The following CSMD1 variants were observed in gnomAD, a reference collection of about 807,000 sequenced individuals.
CSMD1 encodes the protein CUB and sushi domain-containing protein 1.
Under a neutral mutation model 417.5 loss-of-function variants are expected in CSMD1, and 213 were observed. The observed-to-expected ratio is 0.51, with a 90% CI of 0.46 to 0.57. The LOEUF (loss-of-function observed/expected upper bound fraction) is 0.57. Among genes scored for constraint, CSMD1 ranks in the 20% least tolerant of loss-of-function variants. The probability of loss-of-function intolerance (pLI) is 0.00; values close to 1 mark genes in which losing one functional copy is unlikely to be tolerated. For missense variants in CSMD1, 6,923 were observed against 4,529.7 expected, an observed-to-expected ratio of 1.53 and a Z score of -15.17; for synonymous variants, 2,862 against 1,736.8, an observed-to-expected ratio of 1.65 and a Z score of -16.11.
At chr8:3,226,316 C>G (rs951978841) in intron 27 of CSMD1, among the ~76,000 whole-genome samples, 3 of 152,144 alleles carry the variant, frequency 2.0e-5, no homozygotes, top group Non-Finnish European at 2.9e-5. Flanking sequence ...AACGTGGTGG[C>G]TCACGCTTGT....
At chr8:4,449,576 G>C (rs368966352) in intron 2 of CSMD1, among the ~76,000 whole-genome samples, 1 of 152,106 alleles carries the variant, frequency 6.6e-6, no homozygotes, top group Non-Finnish European at 1.5e-5. Flanking sequence ...TAATTATTTA[G>C]CCATTCCCAT....
intron 1 of CSMD1, among the ~76,000 whole-genome samples, chr8:4,835,501 A>G (rs7012483): frequency 0.87 from 132,858 of 152,160 alleles, 59,171 homozygotes; most frequent in East Asian, 0.98. Flanking sequence ...ATGCCTGTGA[A>G]ACAATGAGGT....
intron 1 of CSMD1, among the ~76,000 whole-genome samples, chr8:4,715,899 T>G (rs747167517): frequency 2.6e-5 from 4 of 152,202 alleles, no homozygotes; most frequent in Non-Finnish European, 5.9e-5. Context: ...TCCTGGTTCC[T>G]CTAGAGTCTA....
intron 2 of CSMD1, among the ~76,000 whole-genome samples, chr8:4,613,544 C>G (rs765414705): frequency 1.3e-5 from 2 of 152,202 alleles, no homozygotes; most frequent in Non-Finnish European, 1.5e-5. Context: ...AAGCCCAGCA[C>G]TTTCACACAC....
chr8:4,686,614 G>C (rs996326122), intron 1 of CSMD1, among the ~76,000 whole-genome samples: 3 of 152,200 alleles, frequency 2.0e-5, no homozygotes, highest in African/African-American at 7.2e-5. Flanking sequence ...CCGACGTCTG[G>C]CTACCTCTTC....
chr8:3,952,362 A>T (rs148521152), intron 5 of CSMD1, among the ~76,000 whole-genome samples: 2 of 152,212 alleles, frequency 1.3e-5, no homozygotes, highest in Non-Finnish European at 2.9e-5. Flanking sequence ...CTGTTGAACC[A>T]AACATAAAAT....
chr8:3,563,270 A>C (rs1799550634), intron 10 of CSMD1, among the ~76,000 whole-genome samples: 1 of 151,828 alleles, frequency 6.6e-6, no homozygotes, highest in Admixed American at 6.6e-5. Context: ...CTTTTCTCAC[A>C]CTCCTTCCCA....
chr8:2,943,811 A>C (rs1802046252), intron 68 of CSMD1, among the ~76,000 whole-genome samples: 1 of 152,222 alleles, frequency 6.6e-6, no homozygotes, highest in Non-Finnish European at 1.5e-5. Flanking sequence ...GCGTCATCTC[A>C]ATATAGCAGA....
intron 5 of CSMD1, among the ~76,000 whole-genome samples, chr8:3,792,179 A>G (rs954036498): frequency 1.3e-5 from 2 of 152,118 alleles, no homozygotes. Context: ...GTGTAGTCCC[A>G]GCTACAGGGG....
At chr8:3,710,465 C>G (rs1054855441) in intron 6 of CSMD1, among the ~76,000 whole-genome samples, 2 of 152,164 alleles carry the variant, frequency 1.3e-5, no homozygotes, top group Non-Finnish European at 2.9e-5. Flanking sequence ...CAGTAACCGA[C>G]TGTGTGTGGC....
At chr8:3,145,692 G>A (rs1356342329) in intron 40 of CSMD1, among the ~76,000 whole-genome samples, 1 of 152,136 alleles carries the variant, frequency 6.6e-6, no homozygotes. Context: ...TCAGCAAATT[G>A]CATCCAGTTT....
chr8:3,711,966 G>A (rs182771178), intron 6 of CSMD1, among the ~76,000 whole-genome samples: 2 of 152,150 alleles, frequency 1.3e-5, no homozygotes, highest in African/African-American at 2.4e-5. Flanking sequence ...GACGATCAAG[G>A]TATGCGAATA....
intron 5 of CSMD1, among the ~76,000 whole-genome samples, chr8:3,763,233 A>C (rs1798106383): frequency 6.6e-6 from 1 of 152,164 alleles, no homozygotes; most frequent in Non-Finnish European, 1.5e-5. Flanking sequence ...CCTCGATGTT[A>C]TGATGCCAGC....
intron 3 of CSMD1, among the ~76,000 whole-genome samples, chr8:4,273,175 T>C (rs1240727181): frequency 2.0e-5 from 3 of 152,174 alleles, no homozygotes; most frequent in South Asian, 2.1e-4. Context: ...AAAAGAGATT[T>C]GGATAACTCA....
chr8:3,548,950 T>A, intron 10 of CSMD1, among the ~76,000 whole-genome samples: 1 of 152,014 alleles, frequency 6.6e-6, no homozygotes, highest in East Asian at 1.9e-4. Context: ...CCTGTGCCTG[T>A]CCTGTCTTAA....
intron 7 of CSMD1, among the ~76,000 whole-genome samples, chr8:3,636,330 A>G (rs2117285281): frequency 6.6e-6 from 1 of 152,282 alleles, no homozygotes; most frequent in Admixed American, 6.5e-5. Flanking sequence ...GGCATGCGCC[A>G]CCACGCCTGG....
chr8:3,564,914 G>C (rs963650957), intron 10 of CSMD1, among the ~76,000 whole-genome samples: 1 of 151,762 alleles, frequency 6.6e-6, no homozygotes, highest in Non-Finnish European at 1.5e-5. Flanking sequence ...AGACAAATAT[G>C]TTGGAGAGTT....
chr8:3,482,105 G>A (rs531892622), intron 11 of CSMD1, among the ~76,000 whole-genome samples: 2 of 152,172 alleles, frequency 1.3e-5, no homozygotes, highest in African/African-American at 4.8e-5. Context: ...CCTTAGGAAG[G>A]CAAGAAAAGC....
At chr8:3,527,597 C>G (rs1009389988) in intron 10 of CSMD1, among the ~76,000 whole-genome samples, 2 of 152,042 alleles carry the variant, frequency 1.3e-5, no homozygotes, top group African/African-American at 4.8e-5. Context: ...TACACACACA[C>G]ACACACGGGC....
Sources: gnomAD v4.1 joint callset for allele counts (sites outside exome capture counted in the v4.1 genomes callset) on GRCh38, gnomAD v4.1.1 for gene constraint, MANE v1.5 for transcripts, NCBI Gene and HGNC (gene_info 2026-07-23, HGNC 2026-07-21) for gene names.